The following CDYL variants were observed in gnomAD, a reference collection of about 807,000 sequenced individuals.
CDYL encodes the protein chromodomain Y like, also known as chromodomain Y-like protein.
A neutral mutation model predicts 47.3 loss-of-function variants in CDYL; 8 were observed. The observed-to-expected ratio is 0.17, with a 90% confidence interval of 0.10 to 0.31. CDYL has a LOEUF of 0.31. Ranked by LOEUF, CDYL falls within the 10% of genes least tolerant of loss-of-function variation. The pLI is 1.00. For synonymous variants in CDYL, 266 were observed against 265.0 expected (o/e 1.00, Z -0.04); for missense variants, 471 against 701.4 (o/e 0.67, Z 3.71).
chr6:4,736,871 T>G (rs1047480519), intron 3 of CDYL, among the ~76,000 whole-genome samples: 1 of 152,226 alleles, frequency 6.6e-6, no homozygotes, highest in African/African-American at 2.4e-5. Context: ...TCTATCATGT[T>G]TCAAGTGCTT....
chr6:4,901,893 A>G (rs1014012369), intron 2 of CDYL, among the ~76,000 whole-genome samples: 4 of 151,958 alleles, frequency 2.6e-5, no homozygotes, highest in Non-Finnish European at 5.9e-5. Context: ...CCCAGCCTCC[A>G]CTTTTTCAGT....
intron 3 of CDYL, among the ~76,000 whole-genome samples, chr6:4,765,159 T>A (rs575300999): frequency 1.3e-5 from 2 of 152,156 alleles, no homozygotes; most frequent in East Asian, 3.9e-4. Context: ...CCATCTCTAC[T>A]AAAGTACAGA....
intron 2 of CDYL, among the ~76,000 whole-genome samples, chr6:4,902,203 G>A (rs1031810863): frequency 1.3e-5 from 2 of 151,580 alleles, no homozygotes; most frequent in Non-Finnish European, 2.9e-5. Flanking sequence ...GTTCGAGACC[G>A]GCCTAACCAA....
intron 2 of CDYL, chr6:4,716,027 T>G (rs1757253370): frequency 8.1e-7 from 1 of 1,229,190 alleles, no homozygotes; most frequent in Non-Finnish European, 1.1e-6. Flanking sequence ...GGCGGGCGGA[T>G]CATGAGGTCA....
chr6:4,819,158 C>CTGTGTGTGTGTGTGTG (rs1447808844), intron 1 of CDYL, among the ~76,000 whole-genome samples: 6 of 129,058 alleles, frequency 4.6e-5, no homozygotes, highest in African/African-American at 2.5e-4. Context: ...CTCTCTCTCT[C>CTGTGTGTGTGTGTGTG]TCTCTGTGTG....
At chr6:4,900,815 A>ATCTATATAGATATAGAGATATC (rs1757021029) in intron 2 of CDYL, among the ~76,000 whole-genome samples, 1 of 89,440 alleles carries the variant, frequency 1.1e-5, no homozygotes, top group African/African-American at 4.1e-5. Context: ...ATATATATAT[A>ATCTATATAGATATAGAGATATC]TATATATATA....
chr6:4,812,225 C>T (rs890258245), intron 1 of CDYL, among the ~76,000 whole-genome samples: 1 of 152,224 alleles, frequency 6.6e-6, no homozygotes, highest in Non-Finnish European at 1.5e-5. Flanking sequence ...CTAGATACCT[C>T]TAAAGATCAC....
At position 4,920,615 on chromosome 6, in the gene CDYL, C is replaced by T. The variant is rs566023449; in HGVS notation, c.692-14900C>T. 8.5e-5 allele frequency among the ~76,000 whole-genome samples: 13 copies of T among 152,174 alleles called. No homozygotes were observed. In the South Asian group the frequency reaches 1.9e-3, roughly 22 times the overall value. ...AATGGCAGAGCTCATTAATCAAATTCGTTCAGTTTTATTGATTGATTGAGA... is the reference window on the plus strand; with the variant it reads ...AATGGCAGAGCTCATTAATCAAATTTGTTCAGTTTTATTGATTGATTGAGA... On this transcript the variant is annotated intron_variant, in intron 2 of 6. Transcript: ENST00000397588.
intron 3 of CDYL, among the ~76,000 whole-genome samples, chr6:4,736,612 G>A (rs9504224): frequency 0.57 from 86,427 of 151,740 alleles, 25,483 homozygotes; most frequent in South Asian, 0.72. Context: ...AGAATCACCT[G>A]GCAACTTCCC....
chr6:4,803,407 T>C (rs1265330), intron 1 of CDYL, among the ~76,000 whole-genome samples: 146,515 of 152,296 alleles, frequency 0.96, 70,519 homozygotes, highest in East Asian at 1. Context: ...TGGGCAATTT[T>C]TGCACCTCCT....
At chr6:4,804,862 G>A (rs906999284) in intron 1 of CDYL, among the ~76,000 whole-genome samples, 3 of 152,166 alleles carry the variant, frequency 2.0e-5, no homozygotes, top group African/African-American at 7.2e-5. Flanking sequence ...AAACACAAAC[G>A]TGGAAAATGT....
chr6:4,771,864 T>A (rs1758342953), upstream of CDYL, among the ~76,000 whole-genome samples: 1 of 152,266 alleles, frequency 6.6e-6, no homozygotes, highest in Non-Finnish European at 1.5e-5. Flanking sequence ...ATGAGTTAGT[T>A]ACTGCCTTGG....
chr6:4,830,262 CAG>C lies in CDYL; in HGVS notation c.24+53456_24+53457del, dbSNP rs1760098468. Among the ~76,000 whole-genome samples the C allele has an allele frequency of 3.3e-5, 5 of 152,200 alleles. No homozygotes were observed. The South Asian group carries it at 1.0e-3, about 31-fold the overall frequency. ...ATGATTCTTCTAATTATATAATAAACAGTGTTAATAAATCTAAATATTCATCC... is the reference window on the plus strand; with the variant it reads ...ATGATTCTTCTAATTATATAATAAACTGTTAATAAATCTAAATATTCATCC... On this transcript the variant is annotated intron_variant, in intron 1 of 6. Transcript: ENST00000397588.
chr6:4,849,229 C>T (rs778275506), intron 1 of CDYL, among the ~76,000 whole-genome samples: 2 of 152,108 alleles, frequency 1.3e-5, no homozygotes, highest in African/African-American at 2.4e-5. Flanking sequence ...TATAAAGCAA[C>T]ATTTTAGGCA....
intron 1 of CDYL, among the ~76,000 whole-genome samples, chr6:4,808,215 G>T (rs996992239): frequency 6.6e-6 from 1 of 152,154 alleles, no homozygotes; most frequent in African/African-American, 2.4e-5. Flanking sequence ...GTTGCCTCTC[G>T]AACCTCTAGG....
intron 3 of CDYL, among the ~76,000 whole-genome samples, chr6:4,744,502 A>G (rs1757853356): frequency 6.6e-6 from 1 of 152,136 alleles, no homozygotes; most frequent in African/African-American, 2.4e-5. Context: ...TCTCAAAAAA[A>G]AAAATTGCCA....
intron 2 of CDYL, among the ~76,000 whole-genome samples, chr6:4,911,229 A>G (rs1428351228): frequency 6.7e-6 from 1 of 149,482 alleles, no homozygotes; most frequent in African/African-American, 2.6e-5. Flanking sequence ...ATGAAAACAT[A>G]TTAAAGCCAG....
At chr6:4,808,476 A>T (rs1759434661) in intron 1 of CDYL, among the ~76,000 whole-genome samples, 1 of 152,208 alleles carries the variant, frequency 6.6e-6, no homozygotes, top group Non-Finnish European at 1.5e-5. Flanking sequence ...TATAACATCA[A>T]AGTAGTTTCA....
chr6:4,953,420 G>A (rs747941834), intron 6 of CDYL, among the ~76,000 whole-genome samples: 4 of 151,608 alleles, frequency 2.6e-5, no homozygotes, highest in Non-Finnish European at 4.4e-5. Context: ...TTTAAAATAT[G>A]CTTGTAACAA....
Sources: gnomAD v4.1 joint callset for allele counts (sites outside exome capture counted in the v4.1 genomes callset) on GRCh38, gnomAD v4.1.1 for gene constraint, MANE v1.5 for transcripts, NCBI Gene and HGNC (gene_info 2026-07-23, HGNC 2026-07-21) for gene names.